STPG4: variants seen among roughly 807,000 people sequenced by gnomAD.
The protein encoded by STPG4 is sperm-tail PG-rich repeat containing 4, also known as protein STPG4.
Under a neutral mutation model 31.5 loss-of-function variants are expected in STPG4, and 41 were observed. The observed-to-expected ratio is 1.30, with a 90% confidence interval of 1.01 to 1.69. The LOEUF is 1.69. STPG4 is among the 40% of genes most tolerant of loss of function. The pLI is 0.00. For missense variants in STPG4, 375 were observed against 293.4 expected, an observed-to-expected ratio of 1.28 and a Z score of -2.03; for synonymous variants, 141 against 103.0, an observed-to-expected ratio of 1.37 and a Z score of -2.24.
intron 5 of STPG4, among the ~76,000 whole-genome samples, chr2:47,117,425 T>C (rs956060790): frequency 1.2e-4 from 18 of 152,164 alleles, no homozygotes; most frequent in African/African-American, 4.3e-4. Context: ...GTCAGGCTGG[T>C]CTTGAACTCC....
At chr2:47,107,603 G>A (rs1685943131) in intron 5 of STPG4, among the ~76,000 whole-genome samples, 1 of 152,124 alleles carries the variant, frequency 6.6e-6, no homozygotes, top group Admixed American at 6.5e-5. Flanking sequence ...CCTCCCTGAT[G>A]AGTGCCGCCC....
At position 47,132,149 on chromosome 2, in the gene STPG4, A is replaced by T. The variant is rs546715168; in HGVS notation, c.400-1889T>A. Among the ~76,000 whole-genome samples the T allele has an allele frequency of 1.1e-4, 16 of 147,434 alleles. No individual in the cohort carries two copies. The South Asian group carries it at 2.0e-3, about 18-fold the overall frequency. On this transcript the variant is annotated intron_variant, in intron 3 of 6. Transcript: ENST00000445927. ...CACTGGACTCCAGCCTGGGAAACAG[A>T]GCGAGACTCACTCTGAAAAAAAAAA...
intron 5 of STPG4, among the ~76,000 whole-genome samples, chr2:47,111,600 T>C (rs1686037516): frequency 6.6e-6 from 1 of 152,298 alleles, no homozygotes; most frequent in Non-Finnish European, 1.5e-5. Context: ...TTTGTGAGGC[T>C]TGGTCCTTAT....
intron 5 of STPG4, among the ~76,000 whole-genome samples, chr2:47,109,137 T>C (rs1558675699): frequency 6.6e-6 from 1 of 152,214 alleles, no homozygotes; most frequent in Non-Finnish European, 1.5e-5. Flanking sequence ...TATAAGAAAG[T>C]ACAGGAAATT....
intron 5 of STPG4, among the ~76,000 whole-genome samples, chr2:47,096,916 G>A (rs1022686881): frequency 1.1e-4 from 17 of 152,138 alleles, no homozygotes; most frequent in African/African-American, 3.9e-4. Flanking sequence ...TGAAATGAGT[G>A]AGTATACCAA....
intron 3 of STPG4, among the ~76,000 whole-genome samples, chr2:47,142,729 G>A (rs1290063848): frequency 6.7e-6 from 1 of 149,310 alleles, no homozygotes; most frequent in African/African-American, 2.5e-5. Flanking sequence ...TTGTTTTCAT[G>A]TATACAAATG....
chr2:47,111,252 T>C (rs902522102), intron 5 of STPG4, among the ~76,000 whole-genome samples: 2 of 152,084 alleles, frequency 1.3e-5, no homozygotes, highest in African/African-American at 4.8e-5. Context: ...AAAAAGAAAA[T>C]CTTCTCACTC....
chr2:47,139,258 C>A (rs567922881), intron 3 of STPG4, among the ~76,000 whole-genome samples: 2 of 152,346 alleles, frequency 1.3e-5, no homozygotes, highest in Non-Finnish European at 2.9e-5. Context: ...TTTTGACGAT[C>A]TGTTGTTAGG....
chr2:47,107,569 G>C (rs1172811098), intron 5 of STPG4, among the ~76,000 whole-genome samples: 2 of 152,124 alleles, frequency 1.3e-5, no homozygotes, highest in African/African-American at 4.8e-5. Flanking sequence ...CCCACCCCCT[G>C]TATGGGCTCC....
intron 5 of STPG4, among the ~76,000 whole-genome samples, chr2:47,114,952 G>A (rs1224995886): frequency 2.0e-5 from 3 of 152,016 alleles, no homozygotes; most frequent in Non-Finnish European, 4.4e-5. Flanking sequence ...ATTTTTAGTA[G>A]AGACAGGGTC....
intron 5 of STPG4, among the ~76,000 whole-genome samples, chr2:47,098,792 G>A (rs1685729622): frequency 6.7e-6 from 1 of 148,984 alleles, no homozygotes. Flanking sequence ...AAGGAGGACA[G>A]AATCCTGTGT....
At chr2:47,136,270 C>G (rs867030883) in intron 3 of STPG4, among the ~76,000 whole-genome samples, 1 of 152,070 alleles carries the variant, frequency 6.6e-6, no homozygotes. Context: ...CTCAGCTTCC[C>G]GAGTAGCTGG....
intron 5 of STPG4, among the ~76,000 whole-genome samples, chr2:47,092,853 C>A (rs1033043429): frequency 6.6e-6 from 1 of 152,024 alleles, no homozygotes; most frequent in East Asian, 1.9e-4. Flanking sequence ...AGTGCAGTCA[C>A]GCCATCTCGG....
chr2:47,118,877 G>A (rs1686206179), intron 5 of STPG4, among the ~76,000 whole-genome samples: 1 of 152,222 alleles, frequency 6.6e-6, no homozygotes, highest in African/African-American at 2.4e-5. Flanking sequence ...ACTACATGCT[G>A]TAGTTGATTT....
chr2:47,131,983 G>A (rs1482651404), intron 3 of STPG4, among the ~76,000 whole-genome samples: 1 of 152,092 alleles, frequency 6.6e-6, no homozygotes, highest in African/African-American at 2.4e-5. Context: ...TGACCAACAT[G>A]GCAAAACCCT....
rs183854038 is a variant in STPG4, at chr2:47,135,838, G to C, written c.400-5578C>G. On this transcript the variant is annotated intron_variant, in intron 3 of 6. Transcript: ENST00000445927. Reference sequence around the variant, plus strand: ...TCTGTATTCTCTATTCTGTTCCATTGATCTATTTGTCTATTCTTTGCCAAT... The same window carrying C: ...TCTGTATTCTCTATTCTGTTCCATTCATCTATTTGTCTATTCTTTGCCAAT... Among the ~76,000 whole-genome samples, 7 of 152,170 alleles carry C rather than the reference G, an allele frequency of 4.6e-5. 1 individual carries two copies. In the East Asian group the frequency reaches 1.4e-3, roughly 29 times the overall value.
intron 3 of STPG4, among the ~76,000 whole-genome samples, chr2:47,148,444 A>G (rs1388007035): frequency 6.6e-6 from 1 of 152,156 alleles, no homozygotes; most frequent in Non-Finnish European, 1.5e-5. Context: ...TGAAAAAAAA[A>G]TAGAAAGTCT....
chr2:47,125,980 TC>T (rs1686358571), intron 5 of STPG4, among the ~76,000 whole-genome samples: 1 of 152,216 alleles, frequency 6.6e-6, no homozygotes, highest in Non-Finnish European at 1.5e-5. Flanking sequence ...GAAGAGACTG[TC>T]CTTTCCCCAA....
At chr2:47,115,497 G>A (rs943697547) in intron 5 of STPG4, among the ~76,000 whole-genome samples, 4 of 152,210 alleles carry the variant, frequency 2.6e-5, no homozygotes, top group Non-Finnish European at 4.4e-5. Flanking sequence ...GCTAAATATA[G>A]AATCCTAAGT....
Sources: gnomAD v4.1 joint callset for allele counts (sites outside exome capture counted in the v4.1 genomes callset) on GRCh38, gnomAD v4.1.1 for gene constraint, MANE v1.5 for transcripts, NCBI Gene and HGNC (gene_info 2026-07-23, HGNC 2026-07-21) for gene names.